EIF4E: variants seen among roughly 807,000 people sequenced by gnomAD.
EIF4E encodes the protein eIF-4F 25 kDa subunit.
For missense variants in EIF4E, 113 were observed against 265.6 expected, an observed-to-expected ratio of 0.43 and a Z score of 3.99; for synonymous variants, 71 against 88.5, an observed-to-expected ratio of 0.80 and a Z score of 1.11.
chr4:98,886,293 T>C lies in EIF4E; in HGVS notation c.399+786A>G, dbSNP rs188145656. 28 of 256,198 alleles carry C rather than the reference T, an allele frequency of 1.1e-4. No individual in the cohort carries two copies. In the Admixed American group the frequency reaches 1.2e-3, roughly 11 times the overall value. 15.9% of individuals were successfully genotyped at this position (256,198 alleles called of 1,614,324 possible). On this transcript the variant is annotated intron_variant, in intron 5 of 6. Transcript: ENST00000450253. ...CTATAAGCTTGGGGTTTGGAACCTC[T>C]GTCTACAGAAAATGCTTATTATCTC...
intron 1 of EIF4E, among the ~76,000 whole-genome samples, chr4:98,921,186 T>C (rs1725631199): frequency 1.3e-5 from 2 of 152,190 alleles, no homozygotes; most frequent in African/African-American, 4.8e-5. Flanking sequence ...TATTCATTTA[T>C]TCATCAGAAA....
At chr4:98,918,811 T>C (rs1045130548) in intron 1 of EIF4E, among the ~76,000 whole-genome samples, 1 of 152,234 alleles carries the variant, frequency 6.6e-6, no homozygotes, top group South Asian at 2.1e-4. Flanking sequence ...AAAGTGCACA[T>C]AGCTGGCTAC....
intron 1 of EIF4E, among the ~76,000 whole-genome samples, chr4:98,915,021 G>C (rs187474073): frequency 7.2e-5 from 11 of 152,328 alleles, no homozygotes; most frequent in Admixed American, 7.2e-4. Context: ...ACAGCTCACT[G>C]AAGTCTCGAC....
chr4:98,928,444 C>G (rs1721316122), intron 1 of EIF4E, among the ~76,000 whole-genome samples: 1 of 152,110 alleles, frequency 6.6e-6, no homozygotes, highest in South Asian at 2.1e-4. Flanking sequence ...GGCGCAAACA[C>G]CGGCAACTCT....
At chr4:98,917,365 C>T (rs976898467) in intron 1 of EIF4E, among the ~76,000 whole-genome samples, 1 of 152,036 alleles carries the variant, frequency 6.6e-6, no homozygotes, top group African/African-American at 2.4e-5. Context: ...CACAAAACAG[C>T]CTCACCAGAT....
chr4:98,928,958 G>C (rs1721354218), intron 1 of EIF4E, 137 bp downstream of exon 1: 1 of 1,578,728 alleles, frequency 6.3e-7, no homozygotes, highest in South Asian at 1.2e-5. Context: ...GTCCGCGGGA[G>C]GTCAGGTCCA....
chr4:98,924,983 G>A (rs893258544), intron 1 of EIF4E, among the ~76,000 whole-genome samples: 3 of 152,116 alleles, frequency 2.0e-5, no homozygotes, highest in Non-Finnish European at 2.9e-5. Context: ...CTGATATAGT[G>A]GGTTCTTTCA....
chr4:98,892,610 T>G (rs113481170), intron 2 of EIF4E, among the ~76,000 whole-genome samples: 3,414 of 116,312 alleles, frequency 0.029, 52 homozygotes, highest in African/African-American at 0.036. Context: ...TGAATCCAAG[T>G]GGTGGAGGTT....
At chr4:98,893,709 C>T (rs934191094) in intron 2 of EIF4E, among the ~76,000 whole-genome samples, 20 of 152,330 alleles carry the variant, frequency 1.3e-4, no homozygotes, top group African/African-American at 2.6e-4. Context: ...AAGTCTTGAA[C>T]GCTTCAAAGT....
chr4:98,884,687 AAC>A (rs1296234725), intron 6 of EIF4E, among the ~76,000 whole-genome samples: 2 of 152,142 alleles, frequency 1.3e-5, no homozygotes, highest in Non-Finnish European at 2.9e-5. Context: ...TAGCCTGGAC[AAC>A]AGAGTGAGAC....
chr4:98,889,517 T>G (rs1724064424), intron 3 of EIF4E, among the ~76,000 whole-genome samples: 1 of 152,136 alleles, frequency 6.6e-6, no homozygotes, highest in South Asian at 2.1e-4. Flanking sequence ...CTAAACAGAA[T>G]CCTAAGACTA....
chr4:98,927,759 T>C (rs1379346041), intron 1 of EIF4E, among the ~76,000 whole-genome samples: 1 of 146,576 alleles, frequency 6.8e-6, no homozygotes, highest in African/African-American at 2.5e-5. Context: ...TACACAAAAG[T>C]ATCTGGCAAC....
At position 98,880,776 on chromosome 4, in the gene EIF4E, T is replaced by C; in HGVS notation, c.*252A>G. ...TATTACAGAGTGGGCCAGGAACACA[T>C]TTATGGATTCTGGGGATGTGTACTG... On this transcript the variant is annotated 3_prime_UTR_variant, in exon 7 of 7. Coordinates refer to ENST00000450253, the MANE Select transcript of EIF4E (RefSeq NM_001968.5). The C allele has an allele frequency of 2.2e-6, 1 of 450,612 alleles. No homozygotes were observed. The highest frequency in any genetic ancestry group is 5.2e-5 in the East Asian group (1 of 19,054). 27.9% of individuals were successfully genotyped at this position (450,612 alleles called of 1,614,324 possible).
intron 1 of EIF4E, among the ~76,000 whole-genome samples, chr4:98,904,652 T>A (rs2110202304): frequency 6.6e-6 from 1 of 152,234 alleles, no homozygotes; most frequent in Non-Finnish European, 1.5e-5. Flanking sequence ...GCGCCTGTAA[T>A]CCCAGCTACT....
At chr4:98,883,393 A>ATTTTTTTTTTTTT (rs11408890) in intron 6 of EIF4E, among the ~76,000 whole-genome samples, 2 of 103,896 alleles carry the variant, frequency 1.9e-5, no homozygotes, top group Non-Finnish European at 3.6e-5. Flanking sequence ...TGTAAGTCAA[A>ATTTTTTTTTTTTT]TTTTTTTTTT....
chr4:98,924,593 G>GT (rs5860556), intron 1 of EIF4E, among the ~76,000 whole-genome samples: 28,617 of 146,672 alleles, frequency 0.2, 3,547 homozygotes, highest in Non-Finnish European at 0.29. Flanking sequence ...ATTTGTTTCT[G>GT]TTTTTTTTTT....
rs1471757303 is a variant in EIF4E at position 98,882,981 on chromosome 4, T to G, written c.540-1839A>C. Among the ~76,000 whole-genome samples, 3 of 152,146 alleles carry G rather than the reference T, an allele frequency of 2.0e-5. No individual in the cohort carries two copies. The East Asian group carries it at 5.8e-4, about 29-fold the overall frequency. The stretch of plus-strand genomic sequence containing the variant: ...TATACCTTTTGATCCAGAAATAAAT[T>G]ATGTTCACATAAAAATTTACATGGC... On this transcript the variant is annotated intron_variant, in intron 6 of 6. Coordinates refer to ENST00000450253, the MANE Select transcript of EIF4E (RefSeq NM_001968.5).
chr4:98,910,704 A>C lies in EIF4E; in HGVS notation c.19-8722T>G, dbSNP rs190220317. 1.5e-4 allele frequency among the ~76,000 whole-genome samples: 23 copies of C among 152,106 alleles called. No homozygotes were observed. In the East Asian group the frequency reaches 4.2e-3, roughly 28 times the overall value. On this transcript the variant is annotated intron_variant, in intron 1 of 6. Coordinates refer to ENST00000450253, the MANE Select transcript of EIF4E (RefSeq NM_001968.5). ...GTCTACACTTGCATTTCTGATCTTC[A>C]AATAAACAGTTTTAAAACTTGGATG...
intron 1 of EIF4E, among the ~76,000 whole-genome samples, chr4:98,910,282 T>G (rs1349093208): frequency 6.6e-6 from 1 of 152,008 alleles, no homozygotes; most frequent in Non-Finnish European, 1.5e-5. Context: ...AAAATACAAA[T>G]CTTTCAACAT....
Sources: gnomAD v4.1 joint callset for allele counts (sites outside exome capture counted in the v4.1 genomes callset) on GRCh38, gnomAD v4.1.1 for gene constraint, MANE v1.5 for transcripts, NCBI Gene and HGNC (gene_info 2026-07-23, HGNC 2026-07-21) for gene names.